Variants in AK7 observed in about 807,000 individuals in gnomAD.
AK7 encodes the protein ATP-AMP transphosphorylase 7.
AK7 carries 78 observed loss-of-function variants against 96.6 expected under a neutral mutation model. The observed-to-expected ratio is 0.81, with a 90% CI of 0.67 to 0.97. The LOEUF (loss-of-function observed/expected upper bound fraction) is 0.97. Among genes scored for constraint, AK7 ranks in the 50% least tolerant of loss-of-function variants. AK7 has a pLI of 0.00. For synonymous variants in AK7, 302 were observed against 317.2 expected, an observed-to-expected ratio of 0.95 and a Z score of 0.51; for missense variants, 855 against 887.9, an observed-to-expected ratio of 0.96 and a Z score of 0.47.
In AK7 at chr14:96,407,582, T is replaced by C. The variant is rs1890787728; in HGVS notation, c.404-1265T>C. 3.6e-5 allele frequency among the ~76,000 whole-genome samples: 4 copies of C among 110,124 alleles called. No individual in the cohort carries two copies. In the Admixed American group the frequency reaches 3.8e-4, roughly 10 times the overall value. The allele number at this position is 110,124 out of a possible 152,430, so 72.2% of individuals were successfully genotyped here. A position where few individuals can be genotyped will look rare whatever the true frequency, so the allele number is the denominator to read the frequency against. On this transcript the variant is annotated intron_variant, in intron 3 of 17. Coordinates refer to ENST00000267584, the MANE Select transcript of AK7 (RefSeq NM_152327.5). ...TGATATGTTTCTTTCTTTCTTTTCT[T>C]TTTTTTTTTTTTTTTTTGAGACAGA... is the stretch of plus-strand genomic sequence containing the variant.
In AK7 at chr14:96,408,896, A is replaced by G. The variant is rs1318852788; in HGVS notation, c.453A>G (p.Leu151=). Residue 151 remains leucine (L), a synonymous_variant, in exon 4 of 18, where the codon TTA becomes TTG. Coordinates refer to ENST00000267584, the MANE Select transcript of AK7 (RefSeq NM_152327.5). ...TTGAAAAGCGAAAGCTATTTATTTTACTGTCGACGGTGATGACTTGGGCGC... is the reference window on the plus strand; with the variant it reads ...TTGAAAAGCGAAAGCTATTTATTTTGCTGTCGACGGTGATGACTTGGGCGC... ...SHFEKRKLFI[L]LSTVMTWARS... 2.5e-6 allele frequency: 4 copies of G among 1,614,086 alleles called. No homozygotes were observed. Among genetic ancestry groups the G allele is most frequent in the Non-Finnish European group, 3.4e-6 (4 of 1,180,036 alleles).
At chr14:96,424,598 C>G (rs910370276) in intron 5 of AK7, among the ~76,000 whole-genome samples, 7 of 152,098 alleles carry the variant, frequency 4.6e-5, no homozygotes, top group African/African-American at 1.7e-4. Context: ...ACCTAGTGGT[C>G]TCGGAGGATA....
At chr14:96,449,182 T>C (rs996545209) in intron 8 of AK7, among the ~76,000 whole-genome samples, 2 of 152,070 alleles carry the variant, frequency 1.3e-5, no homozygotes, top group Non-Finnish European at 2.9e-5. Context: ...TACCATCAGC[T>C]TAAGGGTGAA....
intron 16 of AK7, 88 bp from the exon 17 acceptor site, chr14:96,486,810 G>A: frequency 8.3e-7 from 1 of 1,199,540 alleles, no homozygotes. Flanking sequence ...ATTTCTAGCA[G>A]TGTCTCAATG....
At chr14:96,406,057 A>ATTT (rs5810770) in intron 3 of AK7, among the ~76,000 whole-genome samples, 1 of 146,458 alleles carries the variant, frequency 6.8e-6, no homozygotes, top group African/African-American at 2.5e-5. Flanking sequence ...AAGCAACCTC[A>ATTT]TTTTTTTTTT....
At chr14:96,423,714 C>G in intron 5 of AK7, 1 of 697,400 alleles carries the variant, frequency 1.4e-6, no homozygotes, top group African/African-American at 1.8e-5. Flanking sequence ...GACAGCTGCT[C>G]CTACAATTTG....
chr14:96,486,204 C>G lies in AK7; in HGVS notation c.1975-694C>G, dbSNP rs191095814. Reference sequence around the variant, plus strand: ...TCAGGTGAGGCTTGATATAGTGGCTCAAATGATGTCACCAAAGACTTAGGA... The same window carrying G: ...TCAGGTGAGGCTTGATATAGTGGCTGAAATGATGTCACCAAAGACTTAGGA... On this transcript the variant is annotated intron_variant, in intron 16 of 17. Coordinates refer to ENST00000267584, the MANE Select transcript of AK7 (RefSeq NM_152327.5). 2.1e-3 allele frequency among the ~76,000 whole-genome samples: 327 copies of G among 152,288 alleles called. 2 individuals are homozygous for G. The highest frequency in any genetic ancestry group is 7.6e-3 in the African/African-American group (315 of 41,556).
At chr14:96,458,386 A>C (rs1438974165) in intron 12 of AK7, among the ~76,000 whole-genome samples, 174 bp downstream of exon 12, 2 of 152,154 alleles carry the variant, frequency 1.3e-5, no homozygotes, top group African/African-American at 4.8e-5. Context: ...ACTTGAGGCC[A>C]GGAGTTTGAG....
intron 4 of AK7, among the ~76,000 whole-genome samples, chr14:96,415,031 A>G (rs1891249982): frequency 1.3e-5 from 2 of 152,058 alleles, no homozygotes; most frequent in Admixed American, 6.5e-5. Flanking sequence ...CTGGGATTAC[A>G]GGTGTGAATG....
rs577917037 is a variant in AK7 at position 96,449,324 on chromosome 14, C to G, written c.871-478C>G. Reference sequence around the variant, plus strand: ...TGTCTCTCTTTTCACACTGGGAGCTCTTGAGGGCAGATCCTGGGCCACACT... The same window carrying G: ...TGTCTCTCTTTTCACACTGGGAGCTGTTGAGGGCAGATCCTGGGCCACACT... On this transcript the variant is annotated intron_variant, in intron 8 of 17. Coordinates refer to ENST00000267584, the MANE Select transcript of AK7 (RefSeq NM_152327.5). Among the ~76,000 whole-genome samples the G allele has an allele frequency of 2.3e-4, 35 of 152,316 alleles. No individual in the cohort carries two copies. In the South Asian group the frequency reaches 5.2e-3, roughly 23 times the overall value.
In AK7 at chr14:96,399,551, C is replaced by G. The variant is rs529412115; in HGVS notation, c.294+1288C>G. Among the ~76,000 whole-genome samples, 51 of 152,334 alleles carry G rather than the reference C, an allele frequency of 3.3e-4. No individual in the cohort carries two copies. Among genetic ancestry groups the G allele is most frequent in the African/African-American group, 1.2e-3 (51 of 41,574 alleles). ...GACCAGCCGCATTTGCAGGTCTCAC[C>G]CCTTCACCCCCGCCATTCACTGGTC... On this transcript the variant is annotated intron_variant, in intron 2 of 17. Transcript: ENST00000267584. This position sits in a 1 kb window ranked among gnomAD's most constrained non-coding sequence, Gnocchi z 4.1.
chr14:96,481,962 C>G (rs1022112486), intron 15 of AK7, among the ~76,000 whole-genome samples: 7 of 152,164 alleles, frequency 4.6e-5, no homozygotes, highest in African/African-American at 1.4e-4. Flanking sequence ...TCCCAAAGTG[C>G]TGAGATTACA....
At chr14:96,463,944 A>C (rs1220529575) in intron 12 of AK7, among the ~76,000 whole-genome samples, 1 of 152,118 alleles carries the variant, frequency 6.6e-6, no homozygotes, top group Non-Finnish European at 1.5e-5. Context: ...ACGTGGCTGC[A>C]TGACAGTCAC....
intron 14 of AK7, among the ~76,000 whole-genome samples, chr14:96,474,803 C>T (rs1264137339): frequency 6.6e-6 from 1 of 152,224 alleles, no homozygotes. Flanking sequence ...CAGCTGGATA[C>T]ATTTCAGTTC....
chr14:96,461,521 C>A (rs188247315), intron 12 of AK7, among the ~76,000 whole-genome samples: 14 of 152,220 alleles, frequency 9.2e-5, no homozygotes, highest in East Asian at 7.7e-4. Flanking sequence ...CTATGCCATC[C>A]CCTAAGGAGA....
At position 96,456,765 on chromosome 14, in the gene AK7, G is replaced by C. The variant is rs1251878805; in HGVS notation, c.1227+290G>C. The C allele has an allele frequency of 1.5e-5, 4 of 270,444 alleles. No individual in the cohort carries two copies. In the East Asian group the frequency reaches 3.6e-4, roughly 24 times the overall value. The allele number at this position is 270,444 out of a possible 1,614,324, so 16.8% of individuals were successfully genotyped here. On this transcript the variant is annotated intron_variant, in intron 11 of 17. Transcript: ENST00000267584. ...TGGCACCCGCAATGAACACAAGTGT[G>C]TGTTTGTGTCGTCTTCTTCGTGGCC... is the stretch of plus-strand genomic sequence containing the variant.
intron 4 of AK7, among the ~76,000 whole-genome samples, chr14:96,411,879 A>T (rs1485000374): frequency 6.6e-6 from 1 of 152,240 alleles, no homozygotes; most frequent in African/African-American, 2.4e-5. Context: ...TGTTAGAAAG[A>T]CATACACAAT....
chr14:96,478,649 C>A lies in AK7; in HGVS notation c.1740C>A (p.His580Gln). 6.2e-7 allele frequency: 1 copy of A among 1,613,894 alleles called. No homozygotes were observed. Among genetic ancestry groups the A allele is most frequent in the Non-Finnish European group, 8.5e-7 (1 of 1,179,886 alleles). Residue 580 changes from histidine (H) to glutamine (Q), a missense_variant, in exon 15 of 18, where the codon CAC becomes CAA. Coordinates refer to ENST00000267584, the MANE Select transcript of AK7 (RefSeq NM_152327.5). ...ACTATTTTGATGAACTTGAAATTCA[C>A]CCGATACATATTGGTATGAAATGAA... ...VFNYFDELEI[H>Q]PIHIDVGKLE...
chr14:96,409,890 C>T (rs541632952), intron 4 of AK7, among the ~76,000 whole-genome samples: 6 of 152,312 alleles, frequency 3.9e-5, no homozygotes, highest in East Asian at 1.9e-4. Context: ...TAAATCAACG[C>T]GAGTAGTTGA....
Sources: gnomAD v4.1 joint callset for allele counts (sites outside exome capture counted in the v4.1 genomes callset) on GRCh38, gnomAD v4.1.1 for gene constraint, Gnocchi (gnomAD v3.1) non-coding constraint, MANE v1.5 for transcripts, NCBI Gene and HGNC (gene_info 2026-07-23, HGNC 2026-07-21) for gene names.